Variants in PBX1 observed in about 807,000 individuals in gnomAD.
The protein encoded by PBX1 is pre-B-cell leukemia transcription factor 1.
In PBX1, 6 loss-of-function variants were observed where a neutral mutation model predicts 53.4. The observed-to-expected ratio is 0.11, with a 90% CI of 0.06 to 0.22. The LOEUF is 0.22. Among genes scored for constraint, PBX1 ranks in the 10% least tolerant of loss-of-function variants. The pLI is 1.00. For synonymous variants in PBX1, 204 were observed against 212.3 expected (o/e 0.96, Z 0.34); for missense variants, 251 against 551.4 (o/e 0.46, Z 5.46).
chr1:164,725,297 C>T (rs1032130240), intron 2 of PBX1, among the ~76,000 whole-genome samples: 2 of 152,166 alleles, frequency 1.3e-5, no homozygotes, highest in African/African-American at 4.8e-5. Flanking sequence ...GCTGACTTCA[C>T]ATTTTTAGGT....
intron 2 of PBX1, among the ~76,000 whole-genome samples, chr1:164,744,931 G>T (rs2102177009): frequency 6.6e-6 from 1 of 152,224 alleles, no homozygotes; most frequent in South Asian, 2.1e-4. Flanking sequence ...TTGGTTGATT[G>T]CCCGTCACCT....
intron 2 of PBX1, among the ~76,000 whole-genome samples, chr1:164,764,748 C>CTA (rs1557993323): frequency 6.6e-6 from 1 of 152,140 alleles, no homozygotes; most frequent in African/African-American, 2.4e-5. Context: ...GCCCACAAAT[C>CTA]TATATATATA....
intron 2 of PBX1, among the ~76,000 whole-genome samples, chr1:164,695,222 T>G (rs1662739209): frequency 6.6e-6 from 1 of 152,228 alleles, no homozygotes; most frequent in African/African-American, 2.4e-5. Flanking sequence ...CTTTCTTTAG[T>G]GGAAGAGAAA....
intron 8 of PBX1, 79 bp from the exon 9 acceptor site, chr1:164,846,505 A>C: frequency 8.3e-7 from 1 of 1,208,464 alleles, no homozygotes; most frequent in Admixed American, 1.7e-5. Context: ...CCTTTACACA[A>C]GATGCCTCAT....
At chr1:164,584,896 C>T (rs1654850140) in intron 2 of PBX1, among the ~76,000 whole-genome samples, 2 of 152,090 alleles carry the variant, frequency 1.3e-5, no homozygotes, top group African/African-American at 4.8e-5. Flanking sequence ...TCTTTTTCCC[C>T]CTCTTTTAAA....
chr1:164,857,117 C>T (rs12120869), intron 2 of PBX1, among the ~76,000 whole-genome samples: 75,327 of 151,830 alleles, frequency 0.5, 18,912 homozygotes, highest in Middle Eastern at 0.53. Context: ...GGGCTCAGTC[C>T]CACAAGCCTG....
chr1:164,584,357 G>C (rs185940077), intron 2 of PBX1, among the ~76,000 whole-genome samples: 70 of 151,034 alleles, frequency 4.6e-4, no homozygotes, highest in African/African-American at 1.7e-3. Flanking sequence ...GAGGGAGAGA[G>C]AGAGAAAGAG....
chr1:164,629,375 C>T lies in PBX1; in HGVS notation c.265+66064C>T, dbSNP rs78065405. 4.2e-3 allele frequency among the ~76,000 whole-genome samples: 632 copies of T among 152,284 alleles called. 12 individuals carry two copies. The highest frequency in any genetic ancestry group is 3.1e-3 in the Non-Finnish European group (212 of 68,020). On this transcript the variant is annotated intron_variant, in intron 2 of 8. Transcript: ENST00000420696. ...CAATGTTCTCTTTGGAATTCCCTCA[C>T]GGGCTCAGTTTTGACAGGTTACCAT...
chr1:164,799,902 T>G lies in PBX1; in HGVS notation c.701+13T>G, dbSNP rs74118205. The G allele has an allele frequency of 2.7e-3, 4,362 of 1,605,188 alleles. 97 individuals are homozygous for G. The African/African-American group carries it at 0.05, about 18-fold the overall frequency. ...TTCTGGATGCGCGGTGAGTCTCCCATGGGGCTGTCCTGCCCTCTCTGGGAG... is the reference window on the plus strand; with the variant it reads ...TTCTGGATGCGCGGTGAGTCTCCCAGGGGGCTGTCCTGCCCTCTCTGGGAG... On this transcript the variant is annotated intron_variant, in intron 4 of 8. Transcript: ENST00000420696.
At chr1:164,727,214 A>G (rs997675252) in intron 2 of PBX1, among the ~76,000 whole-genome samples, 1 of 152,184 alleles carries the variant, frequency 6.6e-6, no homozygotes, top group Non-Finnish European at 1.5e-5. Flanking sequence ...AACTTACTTA[A>G]TTTATGTATT....
chr1:164,813,151 C>T (rs555173539), intron 6 of PBX1: 2 of 152,098 alleles, frequency 1.3e-5, no homozygotes, highest in Non-Finnish European at 2.9e-5. Context: ...TTTCTTACAG[C>T]GACTCGTTAC....
chr1:164,595,559 T>C (rs1655697300), intron 2 of PBX1, among the ~76,000 whole-genome samples: 1 of 152,042 alleles, frequency 6.6e-6, no homozygotes, highest in African/African-American at 2.4e-5. Context: ...ACTTTTGGCA[T>C]GATTCATTTG....
At chr1:164,594,363 C>T (rs1386983469) in intron 2 of PBX1, among the ~76,000 whole-genome samples, 2 of 152,122 alleles carry the variant, frequency 1.3e-5, no homozygotes, top group African/African-American at 2.4e-5. Flanking sequence ...GGCATGATCT[C>T]GGCTCACTGC....
chr1:164,640,853 G>A (rs921535428), intron 2 of PBX1, among the ~76,000 whole-genome samples: 1 of 152,024 alleles, frequency 6.6e-6, no homozygotes, highest in African/African-American at 2.4e-5. Context: ...CCACTGCAGC[G>A]GCCGGTTCCT....
In PBX1 at chr1:164,848,644, A is replaced by G; in HGVS notation, c.*1968A>G. 1.9e-6 allele frequency: 2 copies of G among 1,056,430 alleles called. No individual in the cohort carries two copies. The highest frequency in any genetic ancestry group is 2.3e-6 in the Non-Finnish European group (2 of 873,766). 65.4% of individuals were successfully genotyped at this position (1,056,430 alleles called of 1,614,324 possible). A position where few individuals can be genotyped will look rare whatever the true frequency, so the allele number is the denominator to read the frequency against. ...GATAAAGAAAAACTTCCAAACTAGA[A>G]AAACAGGCCCTGGTTCCCTTAGTTT... On this transcript the variant is annotated 3_prime_UTR_variant, in exon 9 of 9. Coordinates refer to ENST00000420696, the MANE Select transcript of PBX1 (RefSeq NM_002585.4).
At chr1:164,746,441 A>G (rs1470415022) in intron 2 of PBX1, among the ~76,000 whole-genome samples, 3 of 152,078 alleles carry the variant, frequency 2.0e-5, no homozygotes, top group African/African-American at 4.8e-5. Flanking sequence ...TAGTGGCACG[A>G]TCTCAGCTCA....
intron 2 of PBX1, among the ~76,000 whole-genome samples, chr1:164,767,551 C>G (rs1314850263): frequency 6.6e-6 from 1 of 151,768 alleles, no homozygotes; most frequent in Non-Finnish European, 1.5e-5. Flanking sequence ...TGTTAACTCT[C>G]AGTTGCACAA....
chr1:164,588,236 A>G (rs1459269703), intron 2 of PBX1, among the ~76,000 whole-genome samples: 2 of 152,234 alleles, frequency 1.3e-5, no homozygotes, highest in Non-Finnish European at 2.9e-5. Flanking sequence ...AGAGCACAAT[A>G]GAAAAATCAA....
chr1:164,802,177 T>A (rs1175033208), intron 4 of PBX1, among the ~76,000 whole-genome samples: 2 of 152,276 alleles, frequency 1.3e-5, no homozygotes, highest in Non-Finnish European at 2.9e-5. Context: ...ACTCATTGTA[T>A]TAGCTTTCTA....
Sources: gnomAD v4.1 joint callset for allele counts (sites outside exome capture counted in the v4.1 genomes callset) on GRCh38, gnomAD v4.1.1 for gene constraint, MANE v1.5 for transcripts, NCBI Gene and HGNC (gene_info 2026-07-23, HGNC 2026-07-21) for gene names.